The following SLA variants were observed in gnomAD, a reference collection of about 807,000 sequenced individuals.
SLA encodes the protein src-like-adapter.
Under a neutral mutation model 30.3 loss-of-function variants are expected in SLA, and 16 were observed. The observed-to-expected ratio is 0.53, with a 90% confidence interval of 0.36 to 0.80. The LOEUF (loss-of-function observed/expected upper bound fraction) is 0.80, where lower values mean the gene tolerates loss of function less well. Ranked by LOEUF, SLA falls within the 30% of genes least tolerant of loss-of-function variation. The probability of loss-of-function intolerance (pLI) is 0.01; values close to 1 mark genes in which losing one functional copy is unlikely to be tolerated. For missense variants in SLA, 310 were observed against 345.2 expected, an observed-to-expected ratio of 0.90 and a Z score of 0.81; for synonymous variants, 143 against 137.8, an observed-to-expected ratio of 1.04 and a Z score of -0.26.
chr8:133,098,426 C>G (rs1047211619), intron 1 of SLA, among the ~76,000 whole-genome samples: 2 of 152,162 alleles, frequency 1.3e-5, no homozygotes, highest in African/African-American at 2.4e-5. Context: ...GCCCTGGAGA[C>G]AGTACTCTGA....
chr8:133,038,781 G>C (rs1172600760), intron 8 of SLA, 44 bp from the exon 9 acceptor site: 2 of 1,358,470 alleles, frequency 1.5e-6, no homozygotes, highest in South Asian at 1.2e-5. Context: ...GAAAAAAAGA[G>C]AGTCATAGAG....
intron 3 of SLA, among the ~76,000 whole-genome samples, chr8:133,058,116 C>T (rs939675441): frequency 2.0e-5 from 3 of 152,204 alleles, no homozygotes; most frequent in Non-Finnish European, 4.4e-5. Context: ...AAACTCTGAC[C>T]CTGTGCATGA....
chr8:133,054,190 A>G (rs1410139141), intron 3 of SLA, among the ~76,000 whole-genome samples: 1 of 152,094 alleles, frequency 6.6e-6, no homozygotes, highest in African/African-American at 2.4e-5. Flanking sequence ...CTTTATGGAG[A>G]GCTCAGCGTT....
intron 1 of SLA, among the ~76,000 whole-genome samples, chr8:133,089,162 C>T (rs890447225): frequency 1.3e-5 from 2 of 152,196 alleles, no homozygotes; most frequent in Non-Finnish European, 2.9e-5. Context: ...CGATGGGCTC[C>T]CTGACTCAGA....
intron 7 of SLA, chr8:133,040,441 G>T (rs1838006555): frequency 6.3e-6 from 2 of 318,732 alleles, no homozygotes; most frequent in East Asian, 1.2e-4. Flanking sequence ...TATCAAGAAC[G>T]TCTCTGAGCT....
chr8:133,051,603 G>A (rs1476656724), intron 3 of SLA, among the ~76,000 whole-genome samples: 6 of 152,206 alleles, frequency 3.9e-5, no homozygotes, highest in Admixed American at 6.5e-5. Flanking sequence ...TCCTAATAGT[G>A]TATTGAAAGG....
chr8:133,038,687 G>T lies in SLA; in HGVS notation c.668C>A (p.Ser223Tyr), dbSNP rs749017009. The change falls in exon 9 of 9, where the codon TCC becomes TAC. Residue 223 changes from serine to tyrosine, a missense_variant. Ser to Tyr is a moderately radical substitution (Grantham distance 144, BLOSUM62 -2). Transcript: ENST00000338087. ...CTCTCGAAGGCCATAGCTGAAAAGG[G>T]ACTCGTCTACCCCAAGCGGGTTCTC... Reference protein sequence around the residue: ...GTENPLGVDESLFSYGLRESI... With the variant: ...GTENPLGVDEYLFSYGLRESI... The T allele has an allele frequency of 2.5e-6, 4 of 1,614,136 alleles. No individual in the cohort carries two copies. The South Asian group carries it at 3.3e-5, about 13-fold the overall frequency.
intron 2 of SLA, among the ~76,000 whole-genome samples, chr8:133,060,621 AG>A (rs1217331014): frequency 1.3e-5 from 2 of 152,206 alleles, no homozygotes; most frequent in African/African-American, 4.8e-5. Context: ...GTACAACCAA[AG>A]GCATGAGGAG....
At chr8:133,086,617 T>C (rs1846604839) in intron 1 of SLA, among the ~76,000 whole-genome samples, 1 of 152,246 alleles carries the variant, frequency 6.6e-6, no homozygotes, top group African/African-American at 2.4e-5. Flanking sequence ...GATATGTGAA[T>C]AGATTTAGTT....
intron 3 of SLA, chr8:133,059,132 G>T (rs1055377691): frequency 2.2e-6 from 1 of 456,172 alleles, no homozygotes; most frequent in Non-Finnish European, 4.4e-6. Flanking sequence ...AGCCATCTGC[G>T]CCAGTGAACT....
intron 1 of SLA, among the ~76,000 whole-genome samples, chr8:133,102,236 A>G (rs936785602): frequency 6.6e-6 from 1 of 152,208 alleles, no homozygotes; most frequent in African/African-American, 2.4e-5. Context: ...CCAATTTTCC[A>G]AATTGTAGTA....
At chr8:133,051,041 A>C in intron 3 of SLA, 126 bp from the exon 4 acceptor site, 1 of 635,578 alleles carries the variant, frequency 1.6e-6, no homozygotes, top group Non-Finnish European at 2.8e-6. Context: ...TCTTGTTTTG[A>C]ACCACCAATT....
chr8:133,097,408 G>A (rs1848590297), intron 1 of SLA, among the ~76,000 whole-genome samples: 4 of 152,156 alleles, frequency 2.6e-5, no homozygotes, highest in African/African-American at 4.8e-5. Flanking sequence ...AAAATTGGAA[G>A]CAACTCAAAT....
chr8:133,070,139 G>A (rs1173323747), intron 2 of SLA, among the ~76,000 whole-genome samples: 1 of 152,138 alleles, frequency 6.6e-6, no homozygotes, highest in Non-Finnish European at 1.5e-5. Flanking sequence ...CAATGTTTCA[G>A]GGGGAAAAAT....
intron 1 of SLA, among the ~76,000 whole-genome samples, chr8:133,098,940 A>G (rs1167527053): frequency 6.6e-6 from 1 of 152,202 alleles, no homozygotes; most frequent in Non-Finnish European, 1.5e-5. Flanking sequence ...TTTGTCCTGA[A>G]TTCCTTAACC....
chr8:133,097,639 A>C (rs1478572905), intron 1 of SLA, among the ~76,000 whole-genome samples: 1 of 152,214 alleles, frequency 6.6e-6, no homozygotes, highest in Admixed American at 6.5e-5. Context: ...GTAAGTGTGT[A>C]TATTTGTATG....
intron 1 of SLA, among the ~76,000 whole-genome samples, chr8:133,093,956 A>T (rs1332566911): frequency 6.6e-6 from 1 of 152,168 alleles, no homozygotes; most frequent in Admixed American, 6.5e-5. Flanking sequence ...AGTGGTTGCT[A>T]TTATTTCCAT....
rs1837224843 is a variant in SLA at position 133,036,974 on chromosome 8, TTTGAAATA to T, written c.*1542_*1549del. 1 of 152,290 alleles carries T rather than the reference TTTGAAATA, an allele frequency of 6.6e-6. No individual in the cohort carries two copies. Among genetic ancestry groups the T allele is most frequent in the Admixed American group, 6.5e-5 (1 of 15,280 alleles). The allele number at this position is 152,290 out of a possible 1,614,324, so 9.4% of individuals were successfully genotyped here. On this transcript the variant is annotated 3_prime_UTR_variant, in exon 9 of 9. Coordinates refer to ENST00000338087, the MANE Select transcript of SLA (RefSeq NM_001045556.3). ...CATTTCTCATACGTTGGCTGGTTCC[TTTGAAATA>T]GCCTTTTGGAACGGTTGGGGAAACC...
intron 1 of SLA, among the ~76,000 whole-genome samples, chr8:133,093,104 A>AGT (rs150326755): frequency 0.2 from 29,393 of 144,272 alleles, 3,259 homozygotes; most frequent in Non-Finnish European, 0.26. Flanking sequence ...GAATATTTTG[A>AGT]GTGTGTGTGT....
Sources: allele counts gnomAD v4.1 joint callset (sites outside exome capture counted in the v4.1 genomes callset), GRCh38; gene constraint gnomAD v4.1.1; transcripts MANE v1.5; gene names NCBI Gene and HGNC (gene_info 2026-07-23, HGNC 2026-07-21).